The following CYP4Z1 variants were observed in gnomAD, a reference collection of about 807,000 sequenced individuals.
The protein encoded by CYP4Z1 is cytochrome P450 4Z1.
Under a neutral mutation model 54.2 loss-of-function variants are expected in CYP4Z1, and 41 were observed. That is an observed-to-expected ratio of 0.76 (90% confidence interval 0.59 to 0.98). CYP4Z1 has a LOEUF of 0.98. Among genes scored for constraint, CYP4Z1 ranks in the 50% least tolerant of loss-of-function variants. The probability of loss-of-function intolerance (pLI) is 0.00; values close to 1 mark genes in which losing one functional copy is unlikely to be tolerated. For missense variants in CYP4Z1, 513 were observed against 599.0 expected (o/e 0.86, Z 1.50); for synonymous variants, 163 against 206.2 (o/e 0.79, Z 1.79).
Position 47,068,690 on chromosome 1 carries a change from G to C in CYP4Z1, c.246G>C (p.Leu82Phe). The change falls in exon 2 of 12, where the codon TTG (leucine) becomes TTC (phenylalanine). Residue 82 changes from leucine to phenylalanine, a missense_variant. Coordinates refer to ENST00000334194, the MANE Select transcript of CYP4Z1 (RefSeq NM_178134.3). ...LMEKYPCAVP[L>F]WVGPFTMFFS... ...AAAAATACCCATGTGCTGTTCCCTT[G>C]TGGGTTGGACCCTTTACGATGTTCT... 1 of 1,614,140 alleles carries C rather than the reference G, an allele frequency of 6.2e-7. No homozygotes were observed. The highest frequency in any genetic ancestry group is 8.5e-7 in the Non-Finnish European group (1 of 1,180,026).
chr1:47,087,730 C>T (rs1405240186), intron 6 of CYP4Z1, among the ~76,000 whole-genome samples: 2 of 152,136 alleles, frequency 1.3e-5, no homozygotes, highest in Non-Finnish European at 1.5e-5. Context: ...TCCAACACTA[C>T]ATTGAATAGG....
the CYP4Z1 span, among the ~76,000 whole-genome samples, chr1:47,059,466 T>C: frequency 2.0e-5 from 3 of 152,194 alleles, no homozygotes; most frequent in East Asian, 5.8e-4. Flanking sequence ...AAGATAGTTT[T>C]ATAAAATCTA....
chr1:47,057,338 ATATATATAT>A, the CYP4Z1 span, among the ~76,000 whole-genome samples: 7,159 of 72,580 alleles, frequency 0.099, 1,245 homozygotes, highest in East Asian at 0.3. Flanking sequence ...AAAAAAAAAT[ATATATATAT>A]ATATATATAT....
chr1:47,099,767 G>C (rs952927965), intron 8 of CYP4Z1, among the ~76,000 whole-genome samples: 9 of 152,136 alleles, frequency 5.9e-5, no homozygotes, highest in Non-Finnish European at 1.0e-4. Flanking sequence ...ACCTTGAGCT[G>C]CTGGGTATTT....
chr1:47,079,868 GGAGAGAGAGA>G (rs3066524), intron 2 of CYP4Z1, among the ~76,000 whole-genome samples: 2 of 106,030 alleles, frequency 1.9e-5, no homozygotes, highest in African/African-American at 7.6e-5. Flanking sequence ...ATGGACAGAG[GGAGAGAGAGA>G]GAGAGAGAGA....
At chr1:47,067,714 G>C in intron 1 of CYP4Z1, 47 bp downstream of exon 1, 2 of 1,490,200 alleles carry the variant, frequency 1.3e-6, no homozygotes, top group Non-Finnish European at 1.8e-6. Context: ...AGAAAGATGA[G>C]GTATTAAAAA....
rs1349741256 is a variant in CYP4Z1 at position 47,118,235 on chromosome 1, A to G, written c.*301A>G. On this transcript the variant is annotated 3_prime_UTR_variant, in exon 12 of 12. Coordinates refer to ENST00000334194, the MANE Select transcript of CYP4Z1 (RefSeq NM_178134.3). Reference sequence around the variant, plus strand: ...TAGTTTGATCAAAACTCCACTCAGTATCTGCATTACTTTTATCTCTGCAAA... The same window carrying G: ...TAGTTTGATCAAAACTCCACTCAGTGTCTGCATTACTTTTATCTCTGCAAA... 3 of 253,262 alleles carry G rather than the reference A, an allele frequency of 1.2e-5. No homozygotes were observed. Among genetic ancestry groups the G allele is most frequent in the East Asian group, 1.6e-4 (2 of 12,240 alleles). The allele number at this position is 253,262 out of a possible 1,614,324, so 15.7% of individuals were successfully genotyped here. A position where few individuals can be genotyped will look rare whatever the true frequency, so the allele number is the denominator to read the frequency against.
intron 7 of CYP4Z1, chr1:47,096,597 C>G (rs1265714690): frequency 6.7e-6 from 1 of 148,198 alleles, no homozygotes; most frequent in Admixed American, 6.8e-5. Context: ...ATCCCATCAT[C>G]TAGATATTAT....
At chr1:47,084,460 T>A (rs946856659) in intron 4 of CYP4Z1, among the ~76,000 whole-genome samples, 160 bp from the exon 5 acceptor site, 6 of 152,016 alleles carry the variant, frequency 3.9e-5, no homozygotes, top group Non-Finnish European at 7.3e-5. Context: ...TTTTCAGTAC[T>A]GACAAGGTGT....
intron 4 of CYP4Z1, 85 bp from the exon 5 acceptor site, chr1:47,084,534 AG>A: frequency 6.4e-7 from 1 of 1,558,260 alleles, no homozygotes; most frequent in Non-Finnish European, 8.7e-7. Flanking sequence ...TTTCAAACCC[AG>A]CAAGCTCTAA....
At chr1:47,068,297 T>C (rs1161648858) in intron 1 of CYP4Z1, among the ~76,000 whole-genome samples, 2 of 152,232 alleles carry the variant, frequency 1.3e-5, no homozygotes, top group Non-Finnish European at 2.9e-5. Context: ...GGTCTTCCTA[T>C]TATACACGTG....
chr1:47,104,867 G>A (rs1644746187), intron 8 of CYP4Z1, among the ~76,000 whole-genome samples: 1 of 152,054 alleles, frequency 6.6e-6, no homozygotes, highest in African/African-American at 2.4e-5. Flanking sequence ...GATGAGAATG[G>A]CAGCAGCTGA....
At chr1:47,113,015 A>C (rs1428823503) in intron 9 of CYP4Z1, among the ~76,000 whole-genome samples, 1 of 151,840 alleles carries the variant, frequency 6.6e-6, no homozygotes, top group Non-Finnish European at 1.5e-5. Flanking sequence ...AAAAAAAAAA[A>C]GACAATACTC....
At chr1:47,102,024 C>CT (rs1168548465) in intron 8 of CYP4Z1, among the ~76,000 whole-genome samples, 1 of 152,042 alleles carries the variant, frequency 6.6e-6, no homozygotes, top group Non-Finnish European at 1.5e-5. Context: ...CTTTCTATGT[C>CT]TTTTTTACTA....
upstream of CYP4Z1, among the ~76,000 whole-genome samples, chr1:47,066,417 C>T (rs923843358): frequency 7.2e-5 from 11 of 152,076 alleles, no homozygotes; most frequent in Middle Eastern, 3.2e-3. Flanking sequence ...AAAAACAAAA[C>T]CACATGATCA....
upstream of CYP4Z1, among the ~76,000 whole-genome samples, chr1:47,065,987 T>C (rs1305619651): frequency 2.0e-5 from 3 of 152,062 alleles, no homozygotes; most frequent in Non-Finnish European, 2.9e-5. Context: ...CAGGAAGATA[T>C]AGAATCGCCG....
intron 8 of CYP4Z1, among the ~76,000 whole-genome samples, chr1:47,100,623 G>A (rs909858598): frequency 2.0e-5 from 3 of 152,114 alleles, no homozygotes; most frequent in African/African-American, 4.8e-5. Flanking sequence ...CTTAATAACG[G>A]CCTCAAAGCA....
chr1:47,093,274 TCTGG>T (rs2148534053), intron 6 of CYP4Z1, among the ~76,000 whole-genome samples: 1 of 151,162 alleles, frequency 6.6e-6, no homozygotes, highest in South Asian at 2.1e-4. Flanking sequence ...GGAGCATCCT[TCTGG>T]CTGTTTTCTC....
chr1:47,055,820 A>C, the CYP4Z1 span, among the ~76,000 whole-genome samples: 1 of 151,350 alleles, frequency 6.6e-6, no homozygotes, highest in Non-Finnish European at 1.5e-5. Context: ...TTTCTTCTTT[A>C]TTAGTCTTGC....
Sources: allele counts gnomAD v4.1 joint callset (sites outside exome capture counted in the v4.1 genomes callset), GRCh38; gene constraint gnomAD v4.1.1; transcripts MANE v1.5; gene names NCBI Gene and HGNC (gene_info 2026-07-23, HGNC 2026-07-21).